MAP3K21: variants seen among roughly 807,000 people sequenced by gnomAD.
MAP3K21 encodes the protein mitogen-activated protein kinase kinase kinase MLK4.
A neutral mutation model predicts 86.1 loss-of-function variants in MAP3K21; 63 were observed. The ratio of observed to expected loss-of-function variants is 0.73; its 90% CI spans 0.60 to 0.90. The LOEUF (loss-of-function observed/expected upper bound fraction) is 0.90. Ranked by LOEUF, MAP3K21 falls within the 40% of genes least tolerant of loss-of-function variation. The probability of loss-of-function intolerance (pLI) is 0.00; values close to 1 mark genes in which losing one functional copy is unlikely to be tolerated. For missense variants in MAP3K21, 1,220 were observed against 1,367.7 expected, an observed-to-expected ratio of 0.89 and a Z score of 1.70; for synonymous variants, 558 against 564.8, an observed-to-expected ratio of 0.99 and a Z score of 0.17.
intron 1 of MAP3K21, among the ~76,000 whole-genome samples, chr1:233,343,619 T>C (rs1202576373): frequency 6.6e-6 from 1 of 152,206 alleles, no homozygotes; most frequent in Non-Finnish European, 1.5e-5. Context: ...TAGTAAAAGC[T>C]GTCAACTAAA....
chr1:233,335,241 T>G (rs1558449473), intron 1 of MAP3K21, among the ~76,000 whole-genome samples: 1 of 152,156 alleles, frequency 6.6e-6, no homozygotes, highest in African/African-American at 2.4e-5. Flanking sequence ...TGTGATGGCT[T>G]TATTTTGGAG....
At chr1:233,371,729 C>T (rs186173877) in intron 5 of MAP3K21, among the ~76,000 whole-genome samples, 39 of 147,322 alleles carry the variant, frequency 2.6e-4, no homozygotes, top group South Asian at 4.4e-4. Flanking sequence ...TTCAATGATT[C>T]GTGGCTTTCA....
At chr1:233,350,464 A>G (rs1315677710) in intron 2 of MAP3K21, among the ~76,000 whole-genome samples, 1 of 152,172 alleles carries the variant, frequency 6.6e-6, no homozygotes, top group Admixed American at 6.5e-5. Flanking sequence ...TTTGAATTAT[A>G]GATACCATTG....
At chr1:233,351,461 G>A (rs115516015) in intron 2 of MAP3K21, among the ~76,000 whole-genome samples, 6,737 of 152,162 alleles carry the variant, frequency 0.044, 482 homozygotes, top group African/African-American at 0.15. Context: ...TGGAGGCCAA[G>A]GTAGGTGGAT....
chr1:233,332,612 C>T (rs1339093820), intron 1 of MAP3K21, among the ~76,000 whole-genome samples: 1 of 152,078 alleles, frequency 6.6e-6, no homozygotes, highest in East Asian at 1.9e-4. Context: ...GAGGAGGCAC[C>T]GACTCTGCCC....
Position 233,355,021 on chromosome 1 carries a change from A to G in MAP3K21, c.1311+10A>G. 1.3e-6 allele frequency: 2 copies of G among 1,597,422 alleles called. No individual in the cohort carries two copies. Among genetic ancestry groups the G allele is most frequent in the Non-Finnish European group, 1.7e-6 (2 of 1,166,700 alleles). The stretch of plus-strand genomic sequence containing the variant: ...GAGAACAAAGGAAAAGGTGAGAGAA[A>G]TTTTTAAACAGCATAATGTACTCAA... On this transcript the variant is annotated intron_variant, in intron 4 of 9. Transcript: ENST00000366624.
Position 233,328,712 on chromosome 1 carries a change from C to T in MAP3K21, c.684C>T (p.Arg228=), listed in dbSNP as rs1258089632. 21 of 1,388,814 alleles carry T rather than the reference C, an allele frequency of 1.5e-5. No homozygotes were observed. The highest frequency in any genetic ancestry group is 1.9e-5 in the Non-Finnish European group (20 of 1,064,578). 86.0% of individuals were successfully genotyped at this position (1,388,814 alleles called of 1,614,324 possible). The change falls in exon 1 of 10, where the codon CGC becomes CGT. Residue 228 remains arginine, a synonymous_variant. Transcript: ENST00000366624. This position sits in a 1 kb window ranked among gnomAD's most constrained non-coding sequence, Gnocchi z 8.7. ...APDPRAPGPR[R]ARRIPPHVLV... is the part of the protein sequence containing the mutation. ...ACCCGCGCGCGCCCGGCCCCCGCCG[C>T]GCGCGCCGCATCCCTCCGCACGTGC...
At position 233,327,937 on chromosome 1, in the gene MAP3K21, C is replaced by CCT; in HGVS notation, c.-91_-90insTC. 9.3e-7 allele frequency: 1 copy of CCT among 1,072,454 alleles called. No individual in the cohort carries two copies. The highest frequency in any genetic ancestry group is 1.2e-6 in the Non-Finnish European group (1 of 847,042). The allele number at this position is 1,072,454 out of a possible 1,614,324, so 66.4% of individuals were successfully genotyped here. A position where few individuals can be genotyped will look rare whatever the true frequency, so the allele number is the denominator to read the frequency against. On this transcript the variant is annotated 5_prime_UTR_variant, in exon 1 of 10. Transcript: ENST00000366624. ...CCTACCCCCTCGCCTTCCCCCGGCGCCGACGGCCACACCGCCGGACGATGC... is the reference window on the plus strand; with the variant it reads ...CCTACCCCCTCGCCTTCCCCCGGCGCCTCGACGGCCACACCGCCGGACGATGC...
At chr1:233,364,750 A>G (rs1185923505) in intron 5 of MAP3K21, among the ~76,000 whole-genome samples, 1 of 152,072 alleles carries the variant, frequency 6.6e-6, no homozygotes, top group African/African-American at 2.4e-5. Context: ...TTAGTTACAC[A>G]TTTATTTACT....
At position 233,379,557 on chromosome 1, in the gene MAP3K21, C is replaced by T. The variant is rs779561843; in HGVS notation, c.2551C>T (p.Leu851Phe). 6.2e-7 allele frequency: 1 copy of T among 1,614,216 alleles called. No individual in the cohort carries two copies. Among genetic ancestry groups the T allele is most frequent in the East Asian group, 2.2e-5 (1 of 44,868 alleles). ...CCCAGGAAGTGGTCGTGAGCCAGCC[C>T]TCATGCCAAGACTTGACACTGATTG... is the stretch of plus-strand genomic sequence containing the variant. ...TAPGSGREPA[L>F]MPRLDTDCSV... Residue 851 changes from leucine (L) to phenylalanine (F), a missense_variant, in exon 9 of 10, where the codon CTC becomes TTC. Physicochemically the swap from Leu to Phe is conservative, Grantham distance 22. This residue lies in a region of MAP3K21 where 632 missense variants were observed against 691.3 expected (regional missense o/e 0.91). Coordinates refer to ENST00000366624, the MANE Select transcript of MAP3K21 (RefSeq NM_032435.3).
intron 5 of MAP3K21, 99 bp downstream of exon 5, chr1:233,362,392 C>A: frequency 7.7e-7 from 1 of 1,297,552 alleles, no homozygotes; most frequent in Non-Finnish European, 1.1e-6. Context: ...AGGGAAGTAA[C>A]TTTGTAAAAC....
chr1:233,357,825 T>C (rs1317999393), intron 4 of MAP3K21, among the ~76,000 whole-genome samples: 1 of 152,210 alleles, frequency 6.6e-6, no homozygotes, highest in Non-Finnish European at 1.5e-5. Context: ...GTAGGACTTC[T>C]GGGTGAATGC....
intron 4 of MAP3K21, 151 bp from the exon 5 acceptor site, chr1:233,361,902 G>A: frequency 1.0e-6 from 1 of 963,344 alleles, no homozygotes; most frequent in Admixed American, 2.9e-5. Flanking sequence ...GGACCTGAGT[G>A]ACCAGGGCTT....
chr1:233,328,628 G>C lies in MAP3K21; in HGVS notation c.600G>C (p.Leu200=). 1 of 1,463,554 alleles carries C rather than the reference G, an allele frequency of 6.8e-7. No individual in the cohort carries two copies. Among genetic ancestry groups the C allele is most frequent in the East Asian group, 3.0e-5 (1 of 33,462 alleles). 90.7% of individuals were successfully genotyped at this position (1,463,554 alleles called of 1,614,324 possible). ...CLQQPHLCLV[L]EFARGGALNR... ...AGCAGCCGCACCTCTGCCTGGTGCTGGAGTTCGCCCGCGGCGGAGCGCTCA... is the reference window on the plus strand; with the variant it reads ...AGCAGCCGCACCTCTGCCTGGTGCTCGAGTTCGCCCGCGGCGGAGCGCTCA... The change falls in exon 1 of 10, where the codon CTG becomes CTC. Residue 200 remains leucine, a synonymous_variant. Coordinates refer to ENST00000366624, the MANE Select transcript of MAP3K21 (RefSeq NM_032435.3). The surrounding 1 kb of genome is among the most constrained non-coding windows in gnomAD (Gnocchi z 8.7).
intron 1 of MAP3K21, among the ~76,000 whole-genome samples, chr1:233,332,270 A>G (rs1457444269): frequency 6.6e-6 from 1 of 152,158 alleles, no homozygotes; most frequent in African/African-American, 2.4e-5. Flanking sequence ...AGAAAATGCC[A>G]TCAAGAAAAT....
intron 1 of MAP3K21, among the ~76,000 whole-genome samples, chr1:233,332,238 G>C (rs1291827804): frequency 6.6e-6 from 1 of 152,138 alleles, no homozygotes; most frequent in Non-Finnish European, 1.5e-5. Flanking sequence ...ATAGATGGCA[G>C]TCACGTAATA....
chr1:233,345,903 C>T (rs992437841), intron 1 of MAP3K21, among the ~76,000 whole-genome samples: 4 of 152,008 alleles, frequency 2.6e-5, no homozygotes, highest in South Asian at 2.1e-4. Context: ...ACTGGATGAC[C>T]ACTGTGTTTA....
Position 233,382,608 on chromosome 1 carries a change from A to T in MAP3K21, c.3008A>T (p.Asp1003Val). 6.2e-7 allele frequency: 1 copy of T among 1,614,176 alleles called. No homozygotes were observed. The highest frequency in any genetic ancestry group is 8.5e-7 in the Non-Finnish European group (1 of 1,180,024). The change falls in exon 10 of 10, where the codon GAC becomes GTC. Residue 1003 changes from aspartate (D) to valine (V), a missense_variant. Physicochemically the swap from Asp to Val is radical, Grantham distance 152 (BLOSUM62 -3). This residue lies in a region of MAP3K21 where 632 missense variants were observed against 691.3 expected (regional missense o/e 0.91). Transcript: ENST00000366624. ...CATGTGCCTTCATTACTGGATGCTGACGTGGAAGGTCAGAGCAGGGACTAC... is the reference window on the plus strand; with the variant it reads ...CATGTGCCTTCATTACTGGATGCTGTCGTGGAAGGTCAGAGCAGGGACTAC... ...KSHVPSLLDA[D>V]VEGQSRDYTV...
chr1:233,372,342 C>T, intron 6 of MAP3K21, 182 bp downstream of exon 6: 1 of 660,384 alleles, frequency 1.5e-6, no homozygotes, highest in East Asian at 2.9e-5. Context: ...TAATTTTCTT[C>T]TACTCACAAA....
Sources: allele counts gnomAD v4.1 joint callset (sites outside exome capture counted in the v4.1 genomes callset), GRCh38; gene constraint gnomAD v4.1.1; regional missense constraint gnomAD v4.1.1; non-coding constraint Gnocchi (gnomAD v3.1); transcripts MANE v1.5; gene names NCBI Gene and HGNC (gene_info 2026-07-23, HGNC 2026-07-21).